Variants in DYNC1I1 observed in about 807,000 individuals in gnomAD.
DYNC1I1 encodes cytoplasmic dynein 1 intermediate chain 1.
Under a neutral mutation model 86.6 loss-of-function variants are expected in DYNC1I1, and 43 were observed. That is an observed-to-expected ratio of 0.50 (90% CI 0.39 to 0.64). DYNC1I1 has a LOEUF of 0.64. DYNC1I1 is among the 30% of genes least tolerant of loss of function. The probability of loss-of-function intolerance (pLI) is 0.00; values close to 1 mark genes in which losing one functional copy is unlikely to be tolerated. For synonymous variants in DYNC1I1, 262 were observed against 283.7 expected, an observed-to-expected ratio of 0.92 and a Z score of 0.77; for missense variants, 604 against 788.8, an observed-to-expected ratio of 0.77 and a Z score of 2.81.
chr7:95,918,673 G>A (rs564128262), intron 6 of DYNC1I1, among the ~76,000 whole-genome samples: 1 of 152,284 alleles, frequency 6.6e-6, no homozygotes, highest in East Asian at 1.9e-4. Flanking sequence ...GAAAAAGAAA[G>A]AACTAACTTC....
intron 9 of DYNC1I1, among the ~76,000 whole-genome samples, chr7:95,992,186 G>T (rs751393629): frequency 2.0e-5 from 3 of 152,052 alleles, no homozygotes; most frequent in Non-Finnish European, 4.4e-5. Flanking sequence ...CCTTGCTTCT[G>T]CCTCTGTCTT....
At chr7:96,084,804 T>C (rs1005834111) in intron 16 of DYNC1I1, among the ~76,000 whole-genome samples, 3 of 152,132 alleles carry the variant, frequency 2.0e-5, no homozygotes, top group African/African-American at 7.2e-5. Context: ...AAGGTACATA[T>C]AGAGCTAAAG....
At chr7:95,800,534 A>G (rs763396777) in intron 1 of DYNC1I1, among the ~76,000 whole-genome samples, 13 of 152,152 alleles carry the variant, frequency 8.5e-5, no homozygotes, top group Admixed American at 2.6e-4. Flanking sequence ...GAGGATGCTG[A>G]GCAGGAGGTG....
chr7:95,948,408 A>G (rs1231782983), intron 6 of DYNC1I1, among the ~76,000 whole-genome samples: 1 of 152,176 alleles, frequency 6.6e-6, no homozygotes, highest in Non-Finnish European at 1.5e-5. Flanking sequence ...TTCCTCGAGT[A>G]GACCCATGCT....
chr7:96,001,806 C>A (rs917774511), intron 10 of DYNC1I1, among the ~76,000 whole-genome samples: 1 of 151,998 alleles, frequency 6.6e-6, no homozygotes, highest in Non-Finnish European at 1.5e-5. Flanking sequence ...TCCCTATTTC[C>A]AAATACAGTC....
intron 6 of DYNC1I1, among the ~76,000 whole-genome samples, chr7:95,902,401 G>A (rs1791062890): frequency 6.6e-6 from 1 of 152,068 alleles, no homozygotes; most frequent in African/African-American, 2.4e-5. Flanking sequence ...TGCTACACTG[G>A]TTTTAGCTTC....
Position 96,035,564 on chromosome 7 carries a change from T to C in DYNC1I1, c.1231-55T>C, listed in dbSNP as rs1438579125. On this transcript the variant is annotated intron_variant, in intron 12 of 16. Transcript: ENST00000447467. ...AGCCAAATGATTTTTCCGTGCTATC[T>C]TTGGCATGGCAAGGAGTTGACAGAT... is the stretch of plus-strand genomic sequence containing the variant. The C allele has an allele frequency of 2.0e-6, 3 of 1,516,050 alleles. No individual in the cohort carries two copies. The East Asian group carries it at 7.5e-5, about 38-fold the overall frequency. The allele number at this position is 1,516,050 out of a possible 1,614,324, so 93.9% of individuals were successfully genotyped here. A position where few individuals can be genotyped will look rare whatever the true frequency, so the allele number is the denominator to read the frequency against.
intron 8 of DYNC1I1, among the ~76,000 whole-genome samples, chr7:95,986,480 C>T (rs1340908366): frequency 6.6e-6 from 1 of 152,096 alleles, no homozygotes; most frequent in Non-Finnish European, 1.5e-5. Context: ...TGTTTTGGTC[C>T]ATGGCAGAAG....
intron 1 of DYNC1I1, among the ~76,000 whole-genome samples, chr7:95,794,419 G>A (rs911223348): frequency 1.3e-5 from 2 of 152,128 alleles, no homozygotes; most frequent in East Asian, 3.9e-4. Flanking sequence ...GTTAATTGGG[G>A]AACAGTTTCC....
chr7:95,818,471 T>C lies in DYNC1I1; in HGVS notation c.314+5134T>C, dbSNP rs769778481. On this transcript the variant is annotated intron_variant, in intron 4 of 16. Transcript: ENST00000447467. Reference sequence around the variant, plus strand: ...TGCATACCACCACACCCAGCTGATTTAATTTTTTTTTTTTTTTTTTTTTGT... The same window carrying C: ...TGCATACCACCACACCCAGCTGATTCAATTTTTTTTTTTTTTTTTTTTTGT... 2.0e-3 allele frequency: 1,192 copies of C among 590,746 alleles called. 16 individuals are homozygous for C. The African/African-American group carries it at 0.032, about 16-fold the overall frequency. 36.6% of individuals were successfully genotyped at this position (590,746 alleles called of 1,614,324 possible). A position where few individuals can be genotyped will look rare whatever the true frequency, so the allele number is the denominator to read the frequency against.
intron 6 of DYNC1I1, among the ~76,000 whole-genome samples, chr7:95,942,459 A>G (rs1792256806): frequency 6.6e-6 from 1 of 152,214 alleles, no homozygotes; most frequent in African/African-American, 2.4e-5. Flanking sequence ...AGGAACTGGT[A>G]CCATTCCTTC....
intron 5 of DYNC1I1, among the ~76,000 whole-genome samples, chr7:95,865,800 A>G (rs1287566341): frequency 6.6e-6 from 1 of 152,206 alleles, no homozygotes; most frequent in East Asian, 1.9e-4. Flanking sequence ...GACGTATAGT[A>G]GGCCATACCA....
chr7:95,825,233 T>TA (rs1438515779), intron 4 of DYNC1I1, among the ~76,000 whole-genome samples: 17 of 152,206 alleles, frequency 1.1e-4, no homozygotes, highest in Non-Finnish European at 1.3e-4. Context: ...ATAGAATCAC[T>TA]ATTTATACTT....
At chr7:96,085,427 G>T (rs1790649640) in intron 16 of DYNC1I1, among the ~76,000 whole-genome samples, 1 of 151,792 alleles carries the variant, frequency 6.6e-6, no homozygotes, top group African/African-American at 2.4e-5. Flanking sequence ...CACAGCCTAT[G>T]ACTCAAGAGG....
At chr7:96,089,036 A>G (rs1432580713) in intron 16 of DYNC1I1, among the ~76,000 whole-genome samples, 2 of 151,626 alleles carry the variant, frequency 1.3e-5, no homozygotes, top group African/African-American at 4.9e-5. Context: ...CTCAATTCAG[A>G]TTAAATTTTT....
chr7:95,867,735 T>G (rs572625788), intron 5 of DYNC1I1, among the ~76,000 whole-genome samples: 53 of 152,236 alleles, frequency 3.5e-4, no homozygotes, highest in Non-Finnish European at 6.5e-4. Context: ...GGGTTTAGGG[T>G]GATCTCTCTG....
intron 14 of DYNC1I1, among the ~76,000 whole-genome samples, chr7:96,060,670 A>T (rs936600434): frequency 2.6e-5 from 4 of 152,150 alleles, no homozygotes; most frequent in African/African-American, 2.4e-5. Context: ...CATCAGTTGT[A>T]ACAAATGCAC....
At chr7:95,785,527 T>TTCAC (rs1205173654) in intron 1 of DYNC1I1, among the ~76,000 whole-genome samples, 6 of 152,142 alleles carry the variant, frequency 3.9e-5, no homozygotes, top group South Asian at 4.1e-4. Flanking sequence ...TATTCATTCA[T>TTCAC]TCACTCAGTA....
chr7:95,959,446 C>T (rs1374020876), intron 6 of DYNC1I1, among the ~76,000 whole-genome samples: 1 of 152,126 alleles, frequency 6.6e-6, no homozygotes, highest in Non-Finnish European at 1.5e-5. Flanking sequence ...GGAAATCTTT[C>T]AGAGATTAAG....
Sources: allele counts gnomAD v4.1 joint callset (sites outside exome capture counted in the v4.1 genomes callset), GRCh38; gene constraint gnomAD v4.1.1; transcripts MANE v1.5; gene names NCBI Gene and HGNC (gene_info 2026-07-23, HGNC 2026-07-21).